The following CDK14 variants were observed in gnomAD, a reference collection of about 807,000 sequenced individuals.
The protein encoded by CDK14 is cyclin dependent kinase 14.
Under a neutral mutation model 60.7 loss-of-function variants are expected in CDK14, and 34 were observed. The observed-to-expected ratio is 0.56, with a 90% CI of 0.43 to 0.75. The LOEUF is 0.75. CDK14 is among the 30% of genes least tolerant of loss of function. The probability of loss-of-function intolerance (pLI) is 0.00; values close to 1 mark genes in which losing one functional copy is unlikely to be tolerated. For missense variants in CDK14, 482 were observed against 564.1 expected, an observed-to-expected ratio of 0.85 and a Z score of 1.47; for synonymous variants, 197 against 203.7, an observed-to-expected ratio of 0.97 and a Z score of 0.28.
Position 90,794,413 on chromosome 7 carries a change from C to G in CDK14, c.544+3761C>G, listed in dbSNP as rs116929106. Reference sequence around the variant, plus strand: ...TAAGCCTGCGAGCTCTATGGGAGACCAGGGCTTATTTCATCCCTTGTCTAC... The same window carrying G: ...TAAGCCTGCGAGCTCTATGGGAGACGAGGGCTTATTTCATCCCTTGTCTAC... On this transcript the variant is annotated intron_variant, in intron 5 of 14. Coordinates refer to ENST00000380050, the MANE Select transcript of CDK14 (RefSeq NM_001287135.2). Among the ~76,000 whole-genome samples the G allele has an allele frequency of 6.5e-4, 99 of 152,204 alleles. 1 individual carries two copies. The East Asian group carries it at 0.015, about 23-fold the overall frequency.
At position 91,137,765 on chromosome 7, in the gene CDK14, A is replaced by G. The variant is rs138433968; in HGVS notation, c.*28+19557A>G. On this transcript the variant is annotated intron_variant, in intron 14 of 14. Transcript: ENST00000380050. ...GGAGTAATAAAATTATGAAGTATGG[A>G]ACTGTTTCAATTGTGGAGTTTTAGA... Among the ~76,000 whole-genome samples, 35 of 151,868 alleles carry G rather than the reference A, an allele frequency of 2.3e-4. No homozygotes were observed. The East Asian group carries it at 6.4e-3, about 28-fold the overall frequency.
At chr7:90,670,463 A>G (rs184325287) in intron 2 of CDK14, among the ~76,000 whole-genome samples, 1 of 152,272 alleles carries the variant, frequency 6.6e-6, no homozygotes, top group African/African-American at 2.4e-5. Flanking sequence ...TTGCATTGCT[A>G]TAAAGGAATA....
chr7:90,955,259 A>T (rs895446871), intron 8 of CDK14, among the ~76,000 whole-genome samples: 2 of 152,192 alleles, frequency 1.3e-5, no homozygotes, highest in Admixed American at 6.5e-5. Flanking sequence ...TTGCAGATTC[A>T]CAATACGCAT....
At chr7:90,807,701 G>T (rs1788912772) in intron 5 of CDK14, among the ~76,000 whole-genome samples, 1 of 152,180 alleles carries the variant, frequency 6.6e-6, no homozygotes, top group Non-Finnish European at 1.5e-5. Context: ...CCATGGCAAA[G>T]AAGTTAAAAA....
rs191045687 is a variant in CDK14, at chr7:90,826,372, C to A, written c.544+35720C>A. Among the ~76,000 whole-genome samples the A allele has an allele frequency of 1.7e-3, 263 of 152,172 alleles. 1 individual carries two copies. Among genetic ancestry groups the A allele is most frequent in the Non-Finnish European group, 2.5e-3 (172 of 68,000 alleles). ...TAGCTGGGACTACTGGCGCCCACCC[C>A]CACTCCCAGCTAATTTTTGTATTTT... On this transcript the variant is annotated intron_variant, in intron 5 of 14. Coordinates refer to ENST00000380050, the MANE Select transcript of CDK14 (RefSeq NM_001287135.2).
intron 14 of CDK14, among the ~76,000 whole-genome samples, chr7:91,205,746 A>G (rs1418873013): frequency 6.6e-6 from 1 of 152,202 alleles, no homozygotes; most frequent in African/African-American, 2.4e-5. Context: ...AACTCACCAT[A>G]GTAAGTGGGG....
chr7:91,000,613 C>T (rs917528732), intron 10 of CDK14, among the ~76,000 whole-genome samples: 1 of 152,198 alleles, frequency 6.6e-6, no homozygotes, highest in African/African-American at 2.4e-5. Context: ...ACCCAGGCTG[C>T]TCTTTGAGAA....
At chr7:91,196,792 A>C (rs886543777) in intron 14 of CDK14, among the ~76,000 whole-genome samples, 1 of 152,234 alleles carries the variant, frequency 6.6e-6, no homozygotes, top group African/African-American at 2.4e-5. Flanking sequence ...AGATAAGTGG[A>C]AAAAAGTGGA....
intron 14 of CDK14, among the ~76,000 whole-genome samples, chr7:91,173,475 G>T (rs1021362887): frequency 6.6e-6 from 1 of 151,926 alleles, no homozygotes; most frequent in East Asian, 1.9e-4. Flanking sequence ...AATAGGAACA[G>T]CTCCGGTCTA....
At chr7:91,029,902 A>C (rs964068944) in intron 10 of CDK14, among the ~76,000 whole-genome samples, 1 of 152,076 alleles carries the variant, frequency 6.6e-6, no homozygotes, top group African/African-American at 2.4e-5. Flanking sequence ...AATGCCCTTT[A>C]TTTCTTTCTC....
At chr7:91,183,919 G>A (rs1440591102) in intron 14 of CDK14, among the ~76,000 whole-genome samples, 1 of 152,180 alleles carries the variant, frequency 6.6e-6, no homozygotes, top group Non-Finnish European at 1.5e-5. Context: ...TCTTGGCCCA[G>A]TGTGTTGGCT....
At chr7:90,742,606 C>A (rs1803393353) in intron 3 of CDK14, among the ~76,000 whole-genome samples, 1 of 151,800 alleles carries the variant, frequency 6.6e-6, no homozygotes, top group Non-Finnish European at 1.5e-5. Context: ...CTACCGTGTT[C>A]TTTGTTGCTT....
chr7:90,722,364 C>G (rs111789164), intron 2 of CDK14, among the ~76,000 whole-genome samples: 1 of 152,012 alleles, frequency 6.6e-6, no homozygotes, highest in Non-Finnish European at 1.5e-5. Flanking sequence ...CCACCACACC[C>G]GCCTAATTTT....
intron 2 of CDK14, chr7:90,709,432 A>C: frequency 6.8e-7 from 1 of 1,479,258 alleles, no homozygotes; most frequent in Non-Finnish European, 9.0e-7. Flanking sequence ...CCTCCTATGC[A>C]ATCACCATTA....
At chr7:90,645,295 A>G (rs1024912485) in intron 2 of CDK14, among the ~76,000 whole-genome samples, 8 of 152,168 alleles carry the variant, frequency 5.3e-5, no homozygotes, top group Non-Finnish European at 1.5e-5. Flanking sequence ...CTTTGGGCCT[A>G]TGCTTGGCTT....
At chr7:91,056,081 T>A (rs1240593358) in intron 11 of CDK14, among the ~76,000 whole-genome samples, 1 of 152,146 alleles carries the variant, frequency 6.6e-6, no homozygotes, top group African/African-American at 2.4e-5. Context: ...AATCAAGATC[T>A]TAGGAAGGGA....
At chr7:90,613,431 G>C (rs550257948) in intron 2 of CDK14, among the ~76,000 whole-genome samples, 7 of 151,750 alleles carry the variant, frequency 4.6e-5, no homozygotes, top group Non-Finnish European at 7.4e-5. Context: ...CCTTTGGGCC[G>C]GGCCTGGTGG....
chr7:91,175,779 C>T lies in CDK14; in HGVS notation c.*29-31386C>T, dbSNP rs1447458767. On this transcript the variant is annotated intron_variant, in intron 14 of 14. Transcript: ENST00000380050. ...GCTAACTATCCTAAATATATATGCACCCAATACAGGAGCACCCAGATTCAT... is the reference window on the plus strand; with the variant it reads ...GCTAACTATCCTAAATATATATGCATCCAATACAGGAGCACCCAGATTCAT... 2.1e-4 allele frequency among the ~76,000 whole-genome samples: 31 copies of T among 147,036 alleles called. No individual in the cohort carries two copies. The South Asian group carries it at 6.6e-3, about 31-fold the overall frequency.
chr7:90,910,388 A>G (rs1792855191), intron 7 of CDK14, among the ~76,000 whole-genome samples: 1 of 152,208 alleles, frequency 6.6e-6, no homozygotes, highest in Admixed American at 6.5e-5. Context: ...TTAAACCATT[A>G]TCTGATGCAT....
Sources: allele counts gnomAD v4.1 joint callset (sites outside exome capture counted in the v4.1 genomes callset), GRCh38; gene constraint gnomAD v4.1.1; transcripts MANE v1.5; gene names NCBI Gene and HGNC (gene_info 2026-07-23, HGNC 2026-07-21).